The following CDH4 variants were observed in gnomAD, a reference collection of about 807,000 sequenced individuals.
CDH4 encodes cadherin 4, also known as cadherin-4.
A neutral mutation model predicts 86.0 loss-of-function variants in CDH4; 33 were observed. The observed-to-expected ratio is 0.38, with a 90% confidence interval of 0.29 to 0.51. The LOEUF is 0.51. CDH4 is among the 20% of genes least tolerant of loss of function. The probability of loss-of-function intolerance (pLI) is 0.86; values close to 1 mark genes in which losing one functional copy is unlikely to be tolerated. For missense variants in CDH4, 1,114 were observed against 1,307.4 expected (o/e 0.85, Z 2.28); for synonymous variants, 555 against 549.4 (o/e 1.01, Z -0.14).
chr20:61,499,398 T>C (rs1344868976), intron 2 of CDH4: 2 of 1,230,074 alleles, frequency 1.6e-6, no homozygotes, highest in Non-Finnish European at 2.1e-6. Context: ...TATGCGGGAC[T>C]GGGGTGCAGG....
At position 61,515,197 on chromosome 20, in the gene CDH4, A is replaced by C. The variant is rs550125731; in HGVS notation, c.170-228366A>C. Reference sequence around the variant, plus strand: ...CATCTGTGGGTGGCCCAGCACCGGCAGGCCCTGCTGCTGTCCATCACCATT... The same window carrying C: ...CATCTGTGGGTGGCCCAGCACCGGCCGGCCCTGCTGCTGTCCATCACCATT... On this transcript the variant is annotated intron_variant, in intron 2 of 15. Transcript: ENST00000614565. Among the ~76,000 whole-genome samples, 39 of 152,382 alleles carry C rather than the reference A, an allele frequency of 2.6e-4. No homozygotes were observed. In the East Asian group the frequency reaches 6.9e-3, roughly 27 times the overall value.
chr20:61,370,530 G>A (rs915758760), intron 2 of CDH4: 1 of 152,206 alleles, frequency 6.6e-6, no homozygotes, highest in Admixed American at 6.5e-5. Flanking sequence ...TCTATAGACA[G>A]GGAGTATCAG....
At chr20:61,423,164 C>A (rs1418987093) in intron 2 of CDH4, among the ~76,000 whole-genome samples, 2 of 152,118 alleles carry the variant, frequency 1.3e-5, no homozygotes, top group Non-Finnish European at 2.9e-5. Context: ...GAAGCAAGGA[C>A]CCCCAGACCC....
chr20:61,865,612 G>C (rs558215428), intron 6 of CDH4, among the ~76,000 whole-genome samples: 2 of 150,712 alleles, frequency 1.3e-5, no homozygotes, highest in South Asian at 4.2e-4. Flanking sequence ...TGTATGTAAT[G>C]GGTTAGGTTC....
rs866917141 is a variant in CDH4 at position 61,307,991 on chromosome 20, T to A, written c.169+53054T>A. Among the ~76,000 whole-genome samples, 5 of 152,316 alleles carry A rather than the reference T, an allele frequency of 3.3e-5. No homozygotes were observed. In the South Asian group the frequency reaches 1.0e-3, roughly 32 times the overall value. On this transcript the variant is annotated intron_variant, in intron 2 of 15. Coordinates refer to ENST00000614565, the MANE Select transcript of CDH4 (RefSeq NM_001794.5). Reference sequence around the variant, plus strand: ...GCTGTCATATGTGGTGACTGCCCACTGAACAGCCACATGCCGAGTCCAGGC... The same window carrying A: ...GCTGTCATATGTGGTGACTGCCCACAGAACAGCCACATGCCGAGTCCAGGC...
chr20:61,758,642 C>T (rs1285908223), intron 3 of CDH4, among the ~76,000 whole-genome samples: 1 of 152,188 alleles, frequency 6.6e-6, no homozygotes, highest in East Asian at 1.9e-4. Flanking sequence ...CTCAGGACTG[C>T]ACGTGGCACC....
At chr20:61,439,037 C>T (rs568671410) in intron 2 of CDH4, among the ~76,000 whole-genome samples, 1 of 152,194 alleles carries the variant, frequency 6.6e-6, no homozygotes, top group East Asian at 1.9e-4. Context: ...TTTTTCCCCC[C>T]AAGCCTAGCA....
intron 4 of CDH4, 53 bp downstream of exon 4, chr20:61,773,235 T>C (rs975975647): frequency 2.4e-5 from 35 of 1,453,024 alleles, no homozygotes; most frequent in Non-Finnish European, 2.7e-5. Context: ...AGCAGTAGGC[T>C]CTTCTCCCGA....
chr20:61,871,168 A>AT (rs973456569), intron 6 of CDH4, among the ~76,000 whole-genome samples: 1 of 151,876 alleles, frequency 6.6e-6, no homozygotes, highest in Non-Finnish European at 1.5e-5. Context: ...CACCCTTAGT[A>AT]TTTCCTCTAG....
At chr20:61,354,022 G>A (rs2084731779) in intron 2 of CDH4, among the ~76,000 whole-genome samples, 1 of 152,026 alleles carries the variant, frequency 6.6e-6, no homozygotes, top group Admixed American at 6.5e-5. Flanking sequence ...CAGGGATGGG[G>A]ATTATTCTGA....
At chr20:61,520,599 G>T (rs1159902530) in intron 2 of CDH4, among the ~76,000 whole-genome samples, 14 of 152,234 alleles carry the variant, frequency 9.2e-5, no homozygotes, top group Admixed American at 9.2e-4. Flanking sequence ...CCTGCCTATG[G>T]ATCAGGCACC....
At position 61,565,207 on chromosome 20, in the gene CDH4, G is replaced by A. The variant is rs1230023093; in HGVS notation, c.170-178356G>A. 8.8e-5 allele frequency among the ~76,000 whole-genome samples: 4 copies of A among 45,552 alleles called. 1 individual carries two copies. The highest frequency in any genetic ancestry group is 1.8e-4 in the Non-Finnish European group (4 of 22,280). 29.9% of individuals were successfully genotyped at this position (45,552 alleles called of 152,430 possible). On this transcript the variant is annotated intron_variant, in intron 2 of 15. Coordinates refer to ENST00000614565, the MANE Select transcript of CDH4 (RefSeq NM_001794.5). Reference sequence around the variant, plus strand: ...TGGTGGTCCTCTTGGTGGTGGTCGCGGTGCTCTCGGTGGTAGGTGGTGGTG... The same window carrying A: ...TGGTGGTCCTCTTGGTGGTGGTCGCAGTGCTCTCGGTGGTAGGTGGTGGTG...
chr20:61,666,403 C>A (rs1568743437), intron 2 of CDH4, among the ~76,000 whole-genome samples: 1 of 152,232 alleles, frequency 6.6e-6, no homozygotes, highest in Non-Finnish European at 1.5e-5. Flanking sequence ...CCGAAGAAAT[C>A]CACTTCTGCC....
At chr20:61,619,723 G>A (rs767228937) in intron 2 of CDH4, among the ~76,000 whole-genome samples, 3 of 152,230 alleles carry the variant, frequency 2.0e-5, no homozygotes, top group South Asian at 2.1e-4. Flanking sequence ...TCACGTGAGC[G>A]CTGTTGGACG....
At chr20:61,566,802 A>G (rs1489630079) in intron 2 of CDH4, among the ~76,000 whole-genome samples, 1 of 152,146 alleles carries the variant, frequency 6.6e-6, no homozygotes, top group Non-Finnish European at 1.5e-5. Flanking sequence ...GACACTCAAC[A>G]GCTCGCTTAT....
intron 2 of CDH4, among the ~76,000 whole-genome samples, chr20:61,433,757 G>C (rs1462475689): frequency 6.6e-6 from 1 of 152,146 alleles, no homozygotes; most frequent in African/African-American, 2.4e-5. Flanking sequence ...CACAGGGTGG[G>C]TAGGAGGTTC....
At position 61,573,030 on chromosome 20, in the gene CDH4, TTGGATGGA is replaced by T. The variant is rs760571002; in HGVS notation, c.170-170499_170-170492del. 6.0e-3 allele frequency among the ~76,000 whole-genome samples: 848 copies of T among 140,440 alleles called. 4 individuals carry two copies. The highest frequency in any genetic ancestry group is 0.01 in the South Asian group (45 of 4,324). The allele number at this position is 140,440 out of a possible 152,430, so 92.1% of individuals were successfully genotyped here. On this transcript the variant is annotated intron_variant, in intron 2 of 15. Coordinates refer to ENST00000614565, the MANE Select transcript of CDH4 (RefSeq NM_001794.5). ...GATGGATTGATGGATGGATGGATGGTTGGATGGATGGATGGATGGATGGATGGATGGAT... is the reference window on the plus strand; with the variant it reads ...GATGGATTGATGGATGGATGGATGGTTGGATGGATGGATGGATGGATGGAT...
intron 2 of CDH4, among the ~76,000 whole-genome samples, chr20:61,724,105 C>T (rs2088081222): frequency 7.2e-6 from 1 of 137,964 alleles, no homozygotes; most frequent in Admixed American, 7.2e-5. Context: ...ATGCAGGGGG[C>T]ACAGGATGGA....
At chr20:61,874,740 G>C (rs1983946507) in intron 7 of CDH4, among the ~76,000 whole-genome samples, 1 of 152,198 alleles carries the variant, frequency 6.6e-6, no homozygotes, top group African/African-American at 2.4e-5. Context: ...AGGTCTCGCT[G>C]TCTGGTCTCC....
Sources: allele counts gnomAD v4.1 joint callset (sites outside exome capture counted in the v4.1 genomes callset), GRCh38; gene constraint gnomAD v4.1.1; transcripts MANE v1.5; gene names NCBI Gene and HGNC (gene_info 2026-07-23, HGNC 2026-07-21).